The following NOBOX variants were observed in gnomAD, a reference collection of about 807,000 sequenced individuals.
NOBOX encodes NOBOX oogenesis homeobox.
NOBOX carries 46 observed loss-of-function variants against 60.2 expected under a neutral mutation model. The observed-to-expected ratio is 0.76, with a 90% CI of 0.60 to 0.98. The LOEUF (loss-of-function observed/expected upper bound fraction) is 0.98. Among genes scored for constraint, NOBOX ranks in the 50% least tolerant of loss-of-function variants. The pLI, the probability that NOBOX is intolerant of heterozygous loss-of-function variation, is 0.00. For synonymous variants in NOBOX, 360 were observed against 346.3 expected (o/e 1.04, Z -0.44); for missense variants, 880 against 865.5 (o/e 1.02, Z -0.21).
intron 4 of NOBOX, among the ~76,000 whole-genome samples, chr7:144,400,544 T>C (rs943509722): frequency 1.6e-4 from 25 of 152,346 alleles, no homozygotes; most frequent in Middle Eastern, 3.4e-3. Flanking sequence ...ATCATTTTCT[T>C]TTTTTCTTTT....
Position 144,400,130 on chromosome 7 carries a change from C to A in NOBOX, c.1027G>T (p.Glu343Ter). 6 of 1,613,454 alleles carry A rather than the reference C, an allele frequency of 3.7e-6. No individual in the cohort carries two copies. The highest frequency in any genetic ancestry group is 5.1e-6 in the Non-Finnish European group (6 of 1,179,896). The stretch of plus-strand genomic sequence containing the variant: ...CCTACCCAGGCTACCGCTGAGCGCT[C>A]ACTCTGCAATTCGAGTGTTTCAATG... The change falls in exon 5 of 10, where the codon GAG (glutamate) becomes TAG (stop). Residue 343 changes from glutamate to a stop codon, truncating the protein, a stop_gained. Coordinates refer to ENST00000467773, the MANE Select transcript of NOBOX (RefSeq NM_001080413.3). LOFTEE classifies it high-confidence loss of function.
At chr7:144,404,491 T>C (rs745925338) in intron 2 of NOBOX, 55 of 1,411,130 alleles carry the variant, frequency 3.9e-5, no homozygotes, top group Non-Finnish European at 5.3e-5. Context: ...TCAAGTTATC[T>C]GCCCGCCTGG....
In NOBOX at chr7:144,401,294, T is replaced by A. The variant is rs763089165; in HGVS notation, c.596A>T (p.Tyr199Phe). 30 of 1,613,452 alleles carry A rather than the reference T, an allele frequency of 1.9e-5. No individual in the cohort carries two copies. The highest frequency in any genetic ancestry group is 2.4e-5 in the Non-Finnish European group (28 of 1,179,738). The stretch of plus-strand genomic sequence containing the variant: ...TTTCTGCTTCCCGGGGGCTGGAGAA[T>A]AGGACCTCTTTCCTATCTTCACCTC... Residue 199 changes from tyrosine (Y) to phenylalanine (F), a missense_variant, in exon 4 of 10, where the codon TAT (tyrosine) becomes TTT (phenylalanine). Physicochemically the swap from Tyr to Phe is conservative, Grantham distance 22. Transcript: ENST00000467773. The surrounding 1 kb of genome is among the most constrained non-coding windows in gnomAD (Gnocchi z 4.2).
At position 144,399,738 on chromosome 7, in the gene NOBOX, A is replaced by C. The variant is rs769740577; in HGVS notation, c.1154+19T>G. 6.3e-7 allele frequency: 1 copy of C among 1,585,128 alleles called. No individual in the cohort carries two copies. ...ACTTCTACCCACAGGGATGATACAGAAAGAGGAAGAATTCTGACCTGCATT... is the reference window on the plus strand; with the variant it reads ...ACTTCTACCCACAGGGATGATACAGCAAGAGGAAGAATTCTGACCTGCATT... On this transcript the variant is annotated intron_variant, in intron 6 of 9. Coordinates refer to ENST00000467773, the MANE Select transcript of NOBOX (RefSeq NM_001080413.3).
At chr7:144,402,037 A>G (rs2053943916) in intron 2 of NOBOX, 1 of 958,740 alleles carries the variant, frequency 1.0e-6, no homozygotes, top group African/African-American at 1.6e-5. Context: ...GCTGCACAAC[A>G]GGCATTATTG....
In NOBOX at chr7:144,401,686, G is replaced by T. The variant is rs1248159612; in HGVS notation, c.293-89C>A. 2 of 1,341,006 alleles carry T rather than the reference G, an allele frequency of 1.5e-6. No homozygotes were observed. The highest frequency in any genetic ancestry group is 2.0e-6 in the Non-Finnish European group (2 of 995,402). The allele number at this position is 1,341,006 out of a possible 1,614,324, so 83.1% of individuals were successfully genotyped here. ...AGTGCTGCTTCCTGCTTTGCAAACGGTTTGATCTTAAGCTTTAATTTGTCT... is the reference window on the plus strand; with the variant it reads ...AGTGCTGCTTCCTGCTTTGCAAACGTTTTGATCTTAAGCTTTAATTTGTCT... On this transcript the variant is annotated intron_variant, in intron 3 of 9. Transcript: ENST00000467773. This position sits in a 1 kb window ranked among gnomAD's most constrained non-coding sequence, Gnocchi z 4.2.
chr7:144,397,662 G>A, intron 9 of NOBOX, 121 bp from the exon 8 acceptor site: 1 of 850,558 alleles, frequency 1.2e-6, no homozygotes, highest in Non-Finnish European at 1.8e-6. Context: ...TAGGACCTCA[G>A]TGTAAGTCTG....
At chr7:144,400,425 C>T in intron 4 of NOBOX, 113 bp from the exon 3 acceptor site, 1 of 886,532 alleles carries the variant, frequency 1.1e-6, no homozygotes, top group Non-Finnish European at 1.7e-6. Context: ...GCCCCTAACC[C>T]AACACTTTCC....
At chr7:144,403,294 T>C (rs1307713830) in intron 2 of NOBOX, among the ~76,000 whole-genome samples, 1 of 152,120 alleles carries the variant, frequency 6.6e-6, no homozygotes, top group Non-Finnish European at 1.5e-5. Flanking sequence ...AAAAGCCTGG[T>C]ACCCAGCACT....
intron 2 of NOBOX, 27 bp from the exon 1 acceptor site, chr7:144,403,720 G>T (rs1277706847): frequency 2.9e-6 from 2 of 699,512 alleles, no homozygotes; most frequent in African/African-American, 3.5e-5. Flanking sequence ...GCCGCGGCCG[G>T]CCCGTGATGC....
Position 144,399,065 on chromosome 7 carries a change from C to A in NOBOX, c.1354G>T (p.Asp452Tyr). 1 of 1,527,326 alleles carries A rather than the reference C, an allele frequency of 6.5e-7. No homozygotes were observed. 94.6% of individuals were successfully genotyped at this position (1,527,326 alleles called of 1,614,324 possible). ...ACAGGGCCAAGGGGGAAAGGAAGAT[C>A]GGCCCTTCGCACAGGTGGGGGGCTG... The change falls in exon 8 of 10, where the codon GAT (aspartate) becomes TAT (tyrosine). Residue 452 changes from aspartate (D) to tyrosine (Y), a missense_variant. Physicochemically the swap from Asp to Tyr is radical, Grantham distance 160. Coordinates refer to ENST00000467773, the MANE Select transcript of NOBOX (RefSeq NM_001080413.3).
chr7:144,401,695 T>A lies in NOBOX; in HGVS notation c.293-98A>T. The A allele has an allele frequency of 7.9e-7, 1 of 1,263,686 alleles. No individual in the cohort carries two copies. Among genetic ancestry groups the A allele is most frequent in the Non-Finnish European group, 1.1e-6 (1 of 926,720 alleles). The allele number at this position is 1,263,686 out of a possible 1,614,324, so 78.3% of individuals were successfully genotyped here. On this transcript the variant is annotated intron_variant, in intron 3 of 9. Coordinates refer to ENST00000467773, the MANE Select transcript of NOBOX (RefSeq NM_001080413.3). This position sits in a 1 kb window ranked among gnomAD's most constrained non-coding sequence, Gnocchi z 4.2. ...TCCTGCTTTGCAAACGGTTTGATCT[T>A]AAGCTTTAATTTGTCTACCTATCAA...
At chr7:144,410,106 T>C (rs2054011486) in intron 1 of NOBOX, 3 of 1,345,332 alleles carry the variant, frequency 2.2e-6, no homozygotes, top group African/African-American at 1.4e-5. Flanking sequence ...AGTGTGGTGC[T>C]CACAATTTTG....
chr7:144,404,240 T>A (rs1359880052), intron 2 of NOBOX, among the ~76,000 whole-genome samples: 1 of 152,134 alleles, frequency 6.6e-6, no homozygotes, highest in Non-Finnish European at 1.5e-5. Flanking sequence ...CAAAGTCCCC[T>A]TCCTGATTTT....
downstream of NOBOX, chr7:144,397,237 C>T (rs2053898892): frequency 1.3e-6 from 2 of 1,524,082 alleles, no homozygotes; most frequent in African/African-American, 2.8e-5. Context: ...TTTGACCCCC[C>T]AACTAGGGGA....
rs1009827355 is a variant in NOBOX at position 144,398,493 on chromosome 7, C to G, written c.1563G>C (p.Gln521His). 123 of 1,536,856 alleles carry G rather than the reference C, an allele frequency of 8.0e-5. No homozygotes were observed. Among genetic ancestry groups the G allele is most frequent in the Non-Finnish European group, 1.0e-4 (119 of 1,146,828 alleles). Residue 521 changes from glutamine (Q) to histidine (H), a missense_variant, in exon 9 of 10, where the codon CAG (glutamine) becomes CAC (histidine). Physicochemically the swap from Gln to His is conservative, Grantham distance 24. Coordinates refer to ENST00000467773, the MANE Select transcript of NOBOX (RefSeq NM_001080413.3). Reference sequence around the variant, plus strand: ...ACTGGAAAAGCGGGGGCTGTGGAGCCTGGGAGAACTGGAAGGGTCCTGGCT... The same window carrying G: ...ACTGGAAAAGCGGGGGCTGTGGAGCGTGGGAGAACTGGAAGGGTCCTGGCT...
Position 144,399,878 on chromosome 7 carries a change from G to T in NOBOX, c.1048-15C>A, listed in dbSNP as rs750009027. 3.8e-6 allele frequency: 6 copies of T among 1,596,112 alleles called. No homozygotes were observed. The highest frequency in any genetic ancestry group is 5.1e-6 in the Non-Finnish European group (6 of 1,165,460). ...TGGAACCACACCTATGGGGGGAAAG[G>T]TGCTTGAAGAACTGGAGAAGAGGGG... On this transcript the variant is annotated splice_polypyrimidine_tract_variant and intron_variant, in intron 5 of 9. Coordinates refer to ENST00000467773, the MANE Select transcript of NOBOX (RefSeq NM_001080413.3).
chr7:144,399,420 T>A lies in NOBOX; in HGVS notation c.1217A>T (p.Glu406Val). ...ACCTGGAAAGGTATCCAGAGGGGAC[T>A]CCTGAGGGAAAGGGTCAGGCTTTGG... Residue 406 changes from glutamate (E) to valine (V), a missense_variant, in exon 7 of 10, where the codon GAG becomes GTG. Coordinates refer to ENST00000467773, the MANE Select transcript of NOBOX (RefSeq NM_001080413.3). 1 of 1,587,048 alleles carries A rather than the reference T, an allele frequency of 6.3e-7. No individual in the cohort carries two copies. The highest frequency in any genetic ancestry group is 2.3e-5 in the East Asian group (1 of 43,860).
rs2053938259 is a variant in NOBOX, at chr7:144,401,404, G to A, written c.486C>T (p.Pro162=). ...TGTCTTTGTGGGGAGCCCTGGAGCG[G>A]GGGGGCGGGCACAGTCTCCCAGCAT... Residue 162 remains proline, a synonymous_variant, in exon 4 of 10, where the codon CCC becomes CCT. Coordinates refer to ENST00000467773, the MANE Select transcript of NOBOX (RefSeq NM_001080413.3). The surrounding 1 kb of genome is among the most constrained non-coding windows in gnomAD (Gnocchi z 4.2). The A allele has an allele frequency of 6.2e-7, 1 of 1,612,882 alleles. No homozygotes were observed. Among genetic ancestry groups the A allele is most frequent in the African/African-American group, 1.3e-5 (1 of 75,016 alleles).
Sources: gnomAD v4.1 joint callset for allele counts (sites outside exome capture counted in the v4.1 genomes callset) on GRCh38, gnomAD v4.1.1 for gene constraint, Gnocchi (gnomAD v3.1) non-coding constraint, MANE v1.5 for transcripts, NCBI Gene and HGNC (gene_info 2026-07-23, HGNC 2026-07-21) for gene names.